MAN2A1: variants seen among roughly 807,000 people sequenced by gnomAD.
MAN2A1 encodes alpha-mannosidase 2.
A neutral mutation model predicts 142.6 loss-of-function variants in MAN2A1; 76 were observed. That is an observed-to-expected ratio of 0.53 (90% CI 0.44 to 0.65). MAN2A1 has a LOEUF of 0.65. Ranked by LOEUF, MAN2A1 falls within the 30% of genes least tolerant of loss-of-function variation. MAN2A1 has a pLI of 0.00. For missense variants in MAN2A1, 1,311 were observed against 1,365.1 expected, an observed-to-expected ratio of 0.96 and a Z score of 0.62; for synonymous variants, 559 against 473.2, an observed-to-expected ratio of 1.18 and a Z score of -2.35.
At chr5:109,833,340 G>C (rs1386638091) in intron 16 of MAN2A1, among the ~76,000 whole-genome samples, 1 of 152,132 alleles carries the variant, frequency 6.6e-6, no homozygotes, top group Admixed American at 6.5e-5. Context: ...GGAGGTTGTA[G>C]CGAGCCGAGA....
intron 16 of MAN2A1, among the ~76,000 whole-genome samples, chr5:109,825,148 T>A (rs2112732971): frequency 6.6e-6 from 1 of 152,330 alleles, no homozygotes; most frequent in East Asian, 1.9e-4. Flanking sequence ...AGTCAGAAAC[T>A]GTTTTTGATC....
At chr5:109,833,016 T>C (rs1754962103) in intron 16 of MAN2A1, among the ~76,000 whole-genome samples, 1 of 147,376 alleles carries the variant, frequency 6.8e-6, no homozygotes, top group African/African-American at 2.5e-5. Context: ...GCAGAGGCGC[T>C]CCTCACATCC....
intron 15 of MAN2A1, among the ~76,000 whole-genome samples, chr5:109,821,976 G>T (rs1754635258): frequency 6.6e-6 from 1 of 151,756 alleles, no homozygotes; most frequent in Non-Finnish European, 1.5e-5. Context: ...CAAGATCAGT[G>T]AAATGTTATC....
In MAN2A1 at chr5:109,752,694, A is replaced by G. The variant is rs555208891; in HGVS notation, c.708-2635A>G. ...GTTGAGACCAGCCAGACTGGGAAAG[A>G]TAGGGTAGAAGAAAATAGATAAATG... On this transcript the variant is annotated intron_variant, in intron 4 of 21. Transcript: ENST00000261483. 6.6e-5 allele frequency among the ~76,000 whole-genome samples: 10 copies of G among 152,332 alleles called. No homozygotes were observed. In the South Asian group the frequency reaches 2.1e-3, roughly 32 times the overall value.
At chr5:109,721,549 C>T (rs917723704) in intron 3 of MAN2A1, among the ~76,000 whole-genome samples, 1 of 152,128 alleles carries the variant, frequency 6.6e-6, no homozygotes, top group African/African-American at 2.4e-5. Flanking sequence ...TCAGATTCAA[C>T]TTGGCTGTGC....
At chr5:109,840,084 C>A in intron 16 of MAN2A1, 1 of 171,590 alleles carries the variant, frequency 5.8e-6, no homozygotes, top group Non-Finnish European at 1.2e-5. Flanking sequence ...CAAGATTATG[C>A]ATTTGCGGTG....
intron 10 of MAN2A1, among the ~76,000 whole-genome samples, chr5:109,787,305 T>C (rs1253468861): frequency 6.6e-6 from 1 of 151,962 alleles, no homozygotes; most frequent in East Asian, 1.9e-4. Flanking sequence ...GTGGCAGACA[T>C]GCTAACATCT....
chr5:109,820,284 C>T lies in MAN2A1; in HGVS notation c.2393C>T (p.Thr798Ile), dbSNP rs1480233341. Residue 798 changes from threonine to isoleucine, a missense_variant, in exon 15 of 22, where the codon ACC (threonine) becomes ATC (isoleucine). Transcript: ENST00000261483. ...EVNVQFSWYG[T>I]TIKRDKSGAY... ...AATGTGCAATTTTCATGGTATGGAA[C>T]CACAATTAAAAGAGACAAAAGTGGT... 6.2e-7 allele frequency: 1 copy of T among 1,612,152 alleles called. No individual in the cohort carries two copies.
intron 4 of MAN2A1, among the ~76,000 whole-genome samples, chr5:109,746,724 G>A (rs2300995): frequency 0.3 from 46,308 of 151,914 alleles, 7,489 homozygotes; most frequent in East Asian, 0.64. Flanking sequence ...CTAGAACTTT[G>A]TCATCACCCC....
intron 16 of MAN2A1, among the ~76,000 whole-genome samples, chr5:109,838,890 A>G (rs1479824327): frequency 1.3e-5 from 2 of 152,200 alleles, no homozygotes; most frequent in African/African-American, 4.8e-5. Flanking sequence ...CTCAACAGAA[A>G]TACTTTATTA....
chr5:109,714,378 A>G (rs192476535), intron 2 of MAN2A1, among the ~76,000 whole-genome samples: 78 of 152,312 alleles, frequency 5.1e-4, no homozygotes, highest in African/African-American at 1.8e-3. Context: ...ATTCATTTAT[A>G]TATTGATTAT....
chr5:109,803,604 A>G (rs965972745), intron 12 of MAN2A1, among the ~76,000 whole-genome samples: 2 of 152,080 alleles, frequency 1.3e-5, no homozygotes, highest in Non-Finnish European at 2.9e-5. Flanking sequence ...ATATTAAAAT[A>G]TGAAGGCAGA....
At position 109,775,786 on chromosome 5, in the gene MAN2A1, A is replaced by G. The variant is rs939247710; in HGVS notation, c.1374+821A>G. Among the ~76,000 whole-genome samples, 4 of 152,216 alleles carry G rather than the reference A, an allele frequency of 2.6e-5. No homozygotes were observed. The South Asian group carries it at 8.3e-4, about 32-fold the overall frequency. On this transcript the variant is annotated intron_variant, in intron 8 of 21. Coordinates refer to ENST00000261483, the MANE Select transcript of MAN2A1 (RefSeq NM_002372.4). ...AAAAAACTAACAATAATTTCATGATACATATCTGGACAGATTCAAATTTTC... is the reference window on the plus strand; with the variant it reads ...AAAAAACTAACAATAATTTCATGATGCATATCTGGACAGATTCAAATTTTC...
intron 12 of MAN2A1, among the ~76,000 whole-genome samples, chr5:109,802,935 A>G (rs890996894): frequency 2.6e-5 from 4 of 152,046 alleles, no homozygotes; most frequent in African/African-American, 2.4e-5. Flanking sequence ...ATGATAGGCT[A>G]CCTAATACAA....
chr5:109,848,479 A>T (rs1405793161), intron 19 of MAN2A1, among the ~76,000 whole-genome samples: 1 of 152,162 alleles, frequency 6.6e-6, no homozygotes, highest in Non-Finnish European at 1.5e-5. Flanking sequence ...TGCTCTTTTC[A>T]GCCAGTGATC....
intron 1 of MAN2A1, among the ~76,000 whole-genome samples, chr5:109,708,242 G>C (rs916440482): frequency 6.6e-6 from 1 of 152,106 alleles, no homozygotes; most frequent in African/African-American, 2.4e-5. Context: ...TACTCCCTGA[G>C]ATGACGGATA....
At chr5:109,715,084 A>C (rs766806770) in intron 2 of MAN2A1, among the ~76,000 whole-genome samples, 4 of 152,098 alleles carry the variant, frequency 2.6e-5, no homozygotes, top group African/African-American at 4.8e-5. Flanking sequence ...AGGCAGAGCA[A>C]GTCAGGAGGG....
intron 12 of MAN2A1, among the ~76,000 whole-genome samples, chr5:109,814,323 G>A (rs1433702836): frequency 6.6e-6 from 1 of 152,116 alleles, no homozygotes; most frequent in African/African-American, 2.4e-5. Context: ...CATGTTTGGG[G>A]ATATTGGCAG....
chr5:109,747,114 G>A (rs1021153244), intron 4 of MAN2A1, among the ~76,000 whole-genome samples: 7 of 152,156 alleles, frequency 4.6e-5, no homozygotes, highest in Admixed American at 3.9e-4. Flanking sequence ...TAATGCTGCT[G>A]TGAATATGAG....
Sources: gnomAD v4.1 joint callset for allele counts (sites outside exome capture counted in the v4.1 genomes callset) on GRCh38, gnomAD v4.1.1 for gene constraint, MANE v1.5 for transcripts, NCBI Gene and HGNC (gene_info 2026-07-23, HGNC 2026-07-21) for gene names.